The following WBP2NL variants were observed in gnomAD, a reference collection of about 807,000 sequenced individuals.
The protein encoded by WBP2NL is WBP2 N-terminal like.
A neutral mutation model predicts 23.3 loss-of-function variants in WBP2NL; 27 were observed. The ratio of observed to expected loss-of-function variants is 1.16; its 90% CI spans 0.85 to 1.60. The LOEUF (loss-of-function observed/expected upper bound fraction) is 1.60, where lower values mean the gene tolerates loss of function less well. Ranked by LOEUF, WBP2NL falls within the 40% of genes most tolerant of loss-of-function variation. WBP2NL has a pLI of 0.00. For synonymous variants in WBP2NL, 151 were observed against 145.9 expected (o/e 1.03, Z -0.25); for missense variants, 370 against 389.5 (o/e 0.95, Z 0.42).
chr22:42,028,429 A>G lies in WBP2NL; in HGVS notation c.*1248A>G, dbSNP rs1924698313. On this transcript the variant is annotated 3_prime_UTR_variant, in exon 6 of 6. Coordinates refer to ENST00000328823, the MANE Select transcript of WBP2NL (RefSeq NM_152613.3). ...TTCCACACCATTTCAACCAAAATTA[A>G]TAGGCCATAAATGTGATAGAGGAAA... is the stretch of plus-strand genomic sequence containing the variant. The G allele has an allele frequency of 5.5e-6, 1 of 183,268 alleles. No individual in the cohort carries two copies. Among genetic ancestry groups the G allele is most frequent in the Non-Finnish European group, 1.1e-5 (1 of 89,214 alleles). 11.4% of individuals were successfully genotyped at this position (183,268 alleles called of 1,614,324 possible). A position where few individuals can be genotyped will look rare whatever the true frequency, so the allele number is the denominator to read the frequency against.
rs1286094028 is a variant in WBP2NL at position 42,028,064 on chromosome 22, G to T, written c.*883G>T. The T allele has an allele frequency of 2.5e-6, 1 of 398,460 alleles. No homozygotes were observed. Among genetic ancestry groups the T allele is most frequent in the East Asian group, 3.6e-5 (1 of 28,032 alleles). The allele number at this position is 398,460 out of a possible 1,614,324, so 24.7% of individuals were successfully genotyped here. A position where few individuals can be genotyped will look rare whatever the true frequency, so the allele number is the denominator to read the frequency against. On this transcript the variant is annotated 3_prime_UTR_variant, in exon 6 of 6. Transcript: ENST00000328823. ...TTAAAATATGCCTGCGAGAAAACTT[G>T]CATGTGTGCACAAAGATGCATGTGG... is the stretch of plus-strand genomic sequence containing the variant.
At chr22:42,004,620 A>G (rs1029375689) in intron 1 of WBP2NL, among the ~76,000 whole-genome samples, 4 of 152,146 alleles carry the variant, frequency 2.6e-5, no homozygotes, top group African/African-American at 9.6e-5. Flanking sequence ...AAGGGACAAG[A>G]TGATGTTAAA....
chr22:42,029,815 G>A (rs576658280), downstream of WBP2NL: 5 of 152,296 alleles, frequency 3.3e-5, no homozygotes, highest in East Asian at 5.8e-4. Context: ...ACACCATAAC[G>A]TATTTTCTCA....
chr22:42,007,649 C>G (rs1173746587), intron 1 of WBP2NL, among the ~76,000 whole-genome samples: 2 of 152,156 alleles, frequency 1.3e-5, no homozygotes, highest in Non-Finnish European at 2.9e-5. Context: ...AGTGTAATGA[C>G]AATATTTGTC....
intron 8 of WBP2NL, among the ~76,000 whole-genome samples, chr22:42,040,184 G>T (rs1402317735): frequency 6.6e-6 from 1 of 151,280 alleles, no homozygotes; most frequent in Non-Finnish European, 1.5e-5. Flanking sequence ...CCATGCCTTG[G>T]CCAATGTTAG....
Position 42,045,651 on chromosome 22 carries a change from TCACA to T in WBP2NL, c.*274-12636_*274-12633del, listed in dbSNP as rs1475210533. Among the ~76,000 whole-genome samples, 3 of 152,052 alleles carry T rather than the reference TCACA, an allele frequency of 2.0e-5. No homozygotes were observed. The East Asian group carries it at 5.8e-4, about 29-fold the overall frequency. On this transcript the variant is annotated intron_variant and NMD_transcript_variant, in intron 8 of 8. Transcript: ENST00000436265. Reference sequence around the variant, plus strand: ...AATGGACTAATTCCTTGAAAGAAACTCACACAAGAAGAAACAGACAATCTCAATA... The same window carrying T: ...AATGGACTAATTCCTTGAAAGAAACTCAAGAAGAAACAGACAATCTCAATA...
intron 1 of WBP2NL, among the ~76,000 whole-genome samples, chr22:42,005,638 CAAT>C (rs932454590): frequency 2.6e-5 from 4 of 152,132 alleles, no homozygotes; most frequent in Non-Finnish European, 5.9e-5. Flanking sequence ...ACAGCAGAAA[CAAT>C]AACCAATACA....
intron 5 of WBP2NL, among the ~76,000 whole-genome samples, chr22:42,023,893 C>G (rs1219938931): frequency 6.6e-6 from 1 of 152,124 alleles, no homozygotes; most frequent in Non-Finnish European, 1.5e-5. Flanking sequence ...AGTCTATTGC[C>G]TTGGCTTCCC....
chr22:42,046,601 T>C (rs914102910), intron 8 of WBP2NL, among the ~76,000 whole-genome samples: 2 of 152,242 alleles, frequency 1.3e-5, no homozygotes, highest in Non-Finnish European at 2.9e-5. Context: ...TTTAAAAATA[T>C]TGGACATCTT....
intron 1 of WBP2NL, among the ~76,000 whole-genome samples, chr22:42,004,228 C>T (rs1437525251): frequency 1.3e-5 from 2 of 151,690 alleles, no homozygotes; most frequent in African/African-American, 2.4e-5. Flanking sequence ...GCTGAGATCA[C>T]GTGACTGCAC....
At chr22:42,038,613 T>G (rs1168458743) in intron 8 of WBP2NL, among the ~76,000 whole-genome samples, 1 of 152,174 alleles carries the variant, frequency 6.6e-6, no homozygotes, top group African/African-American at 2.4e-5. Context: ...TGGATTTTTT[T>G]TTTGTTTGAG....
intron 5 of WBP2NL, among the ~76,000 whole-genome samples, chr22:42,024,325 CAT>C (rs1365242674): frequency 6.6e-6 from 1 of 152,126 alleles, no homozygotes. Flanking sequence ...TCTACGTAGA[CAT>C]ATGTTTTCAT....
At chr22:42,020,139 T>C (rs778259262) in intron 4 of WBP2NL, 43 bp downstream of exon 4, 5 of 1,541,432 alleles carry the variant, frequency 3.2e-6, no homozygotes, top group Non-Finnish European at 2.7e-6. Context: ...TGGGGTTTTT[T>C]GTTTGTTTGT....
chr22:42,046,462 T>A (rs1056566636), intron 8 of WBP2NL, among the ~76,000 whole-genome samples: 4 of 152,174 alleles, frequency 2.6e-5, no homozygotes, highest in Non-Finnish European at 4.4e-5. Flanking sequence ...AATAAAAAAA[T>A]TTTTCTAGGA....
intron 8 of WBP2NL, among the ~76,000 whole-genome samples, chr22:42,039,394 T>C (rs1331049104): frequency 6.6e-6 from 1 of 151,330 alleles, no homozygotes; most frequent in African/African-American, 2.4e-5. Flanking sequence ...GGTCTTCCTG[T>C]GTTGCCTAGG....
At chr22:42,012,149 A>G (rs1703427509) in intron 1 of WBP2NL, among the ~76,000 whole-genome samples, 1 of 152,018 alleles carries the variant, frequency 6.6e-6, no homozygotes, top group Non-Finnish European at 1.5e-5. Context: ...AATCTAGCTA[A>G]GAGTTTGTCA....
downstream of WBP2NL, among the ~76,000 whole-genome samples, chr22:42,035,241 C>T (rs530462538): frequency 1.4e-4 from 22 of 152,266 alleles, no homozygotes; most frequent in Non-Finnish European, 2.6e-4. Flanking sequence ...CCGGTCCCTC[C>T]GTTTGGGGTC....
chr22:42,023,658 AT>A (rs950226013), intron 5 of WBP2NL, among the ~76,000 whole-genome samples: 6 of 148,330 alleles, frequency 4.0e-5, no homozygotes, highest in Admixed American at 6.7e-5. Context: ...CGCCCGGCTA[AT>A]TTTTTTTTTG....
At chr22:42,026,476 TA>T (rs1025670854) in intron 5 of WBP2NL, among the ~76,000 whole-genome samples, 6 of 152,110 alleles carry the variant, frequency 3.9e-5, no homozygotes, top group African/African-American at 1.4e-4. Context: ...AAGCATGTAT[TA>T]CTTTTTTTCA....
Sources: allele counts gnomAD v4.1 joint callset (sites outside exome capture counted in the v4.1 genomes callset), GRCh38; gene constraint gnomAD v4.1.1; transcripts MANE v1.5; gene names NCBI Gene and HGNC (gene_info 2026-07-23, HGNC 2026-07-21).